Variants in RORA observed in about 807,000 individuals in gnomAD.
RORA encodes the protein nuclear receptor ROR-alpha.
RORA carries 7 observed loss-of-function variants against 69.5 expected under a neutral mutation model. That is an observed-to-expected ratio of 0.10 (90% CI 0.06 to 0.19). RORA has a LOEUF of 0.19. Ranked by LOEUF, RORA falls within the 10% of genes least tolerant of loss-of-function variation. The probability of loss-of-function intolerance (pLI) is 1.00; values close to 1 mark genes in which losing one functional copy is unlikely to be tolerated. For synonymous variants in RORA, 261 were observed against 240.8 expected, an observed-to-expected ratio of 1.08 and a Z score of -0.78; for missense variants, 457 against 663.0, an observed-to-expected ratio of 0.69 and a Z score of 3.41.
At chr15:60,849,736 C>G (rs997688381) in intron 1 of RORA, among the ~76,000 whole-genome samples, 1 of 152,124 alleles carries the variant, frequency 6.6e-6, no homozygotes, top group Admixed American at 6.5e-5. Context: ...GCTACCATTG[C>G]GATGTCTCTG....
At chr15:60,637,762 C>A (rs2069867198) in intron 2 of RORA, among the ~76,000 whole-genome samples, 1 of 152,116 alleles carries the variant, frequency 6.6e-6, no homozygotes, top group African/African-American at 2.4e-5. Context: ...CTTTACTGAT[C>A]TCTTTGCCTA....
At chr15:61,019,713 G>A (rs1255340173) in intron 1 of RORA, among the ~76,000 whole-genome samples, 1 of 152,072 alleles carries the variant, frequency 6.6e-6, no homozygotes, top group Non-Finnish European at 1.5e-5. Flanking sequence ...TTATCCATGG[G>A]TACCGTACCT....
At chr15:60,954,465 T>A in intron 1 of RORA, among the ~76,000 whole-genome samples, 1 of 150,042 alleles carries the variant, frequency 6.7e-6, no homozygotes, top group East Asian at 2.0e-4. Flanking sequence ...GAACTTCCCA[T>A]AAATGTGAGA....
intron 1 of RORA, among the ~76,000 whole-genome samples, chr15:60,766,003 T>C (rs2071983544): frequency 6.6e-6 from 1 of 152,196 alleles, no homozygotes; most frequent in African/African-American, 2.4e-5. Flanking sequence ...GGAATTCGCC[T>C]GCAGTGTCTG....
rs1253297283 is a variant in RORA, at chr15:61,194,996, G to GTTAATAATAATAATA, written c.166+34056_166+34057insTATTATTATTATTAA. 1.1e-4 allele frequency among the ~76,000 whole-genome samples: 16 copies of GTTAATAATAATAATA among 150,814 alleles called. No individual in the cohort carries two copies. The East Asian group carries it at 3.1e-3, about 29-fold the overall frequency. Reference sequence around the variant, plus strand: ...AAAAAAAAGCCCTTTAGTTGCTGTTGTTGTTAATAATAATAATATTGTTAA... The same window carrying GTTAATAATAATAATA: ...AAAAAAAAGCCCTTTAGTTGCTGTTGTTAATAATAATAATATTGTTAATAATAATAATATTGTTAA... On this transcript the variant is annotated intron_variant, in intron 1 of 10. Transcript: ENST00000335670.
At chr15:60,580,440 T>C (rs2068159114) in intron 2 of RORA, among the ~76,000 whole-genome samples, 8 of 152,214 alleles carry the variant, frequency 5.3e-5, no homozygotes, top group Admixed American at 5.2e-4. Context: ...CAATTTGAAA[T>C]GTATCCACTT....
chr15:60,724,512 G>T (rs1460136264), intron 1 of RORA, among the ~76,000 whole-genome samples: 1 of 152,148 alleles, frequency 6.6e-6, no homozygotes, highest in South Asian at 2.1e-4. Context: ...CAGGTCTCCT[G>T]ATGGGACAGA....
At chr15:61,039,467 G>C (rs1246140667) in intron 1 of RORA, among the ~76,000 whole-genome samples, 1 of 152,092 alleles carries the variant, frequency 6.6e-6, no homozygotes. Context: ...TGGTAAAACA[G>C]ATGGTTGGGA....
At chr15:60,986,335 T>C (rs573697210) in intron 1 of RORA, among the ~76,000 whole-genome samples, 5 of 152,316 alleles carry the variant, frequency 3.3e-5, no homozygotes, top group African/African-American at 1.2e-4. Context: ...AGTTTTACCA[T>C]GTTGGCCAAG....
chr15:61,229,197 G>C lies in RORA; in HGVS notation c.22C>G (p.Pro8Ala). The change falls in exon 1 of 11, where the codon CCC becomes GCC. Residue 8 changes from proline to alanine, a missense_variant. By Grantham distance (27) the Pro-to-Ala change is conservative (BLOSUM62 -1). Coordinates refer to ENST00000335670, the MANE Select transcript of RORA (RefSeq NM_134261.3). ...CCTGGCTCGCTGGCGGCGGGGTCGG[G>C]GGCTGCCGGAGCTGACTCCATGTTT... MESAPAA[P>A]DPAASEPGSS... The C allele has an allele frequency of 3.2e-6, 5 of 1,547,810 alleles. No homozygotes were observed. The highest frequency in any genetic ancestry group is 2.3e-4 in the Middle Eastern group (1 of 4,286).
chr15:60,901,399 T>C (rs898169167), intron 1 of RORA, among the ~76,000 whole-genome samples: 3 of 152,232 alleles, frequency 2.0e-5, no homozygotes, highest in African/African-American at 7.2e-5. Flanking sequence ...CTCGAACTCC[T>C]GACCTCAGGT....
chr15:60,726,274 T>C (rs1472084364), intron 1 of RORA, among the ~76,000 whole-genome samples: 1 of 152,140 alleles, frequency 6.6e-6, no homozygotes, highest in Non-Finnish European at 1.5e-5. Context: ...AAATGAAGGT[T>C]AATAAGAGGT....
At chr15:60,737,310 A>G (rs529242847) in intron 1 of RORA, among the ~76,000 whole-genome samples, 1 of 152,358 alleles carries the variant, frequency 6.6e-6, no homozygotes, top group South Asian at 2.1e-4. Context: ...AACTTCAGGC[A>G]GACAATTCCT....
At chr15:60,514,874 G>T in intron 3 of RORA, 117 bp from the exon 4 acceptor site, 1 of 730,672 alleles carries the variant, frequency 1.4e-6, no homozygotes, top group Non-Finnish European at 2.2e-6. Context: ...TAAACTTGTA[G>T]CAGAATCATC....
chr15:60,947,234 G>A (rs1192819869), intron 1 of RORA, among the ~76,000 whole-genome samples: 16 of 151,672 alleles, frequency 1.1e-4, no homozygotes, highest in South Asian at 6.3e-4. Flanking sequence ...TGACGATGGC[G>A]GTTTTGTCGA....
At chr15:60,906,456 G>A (rs1366547850) in intron 1 of RORA, among the ~76,000 whole-genome samples, 1 of 152,186 alleles carries the variant, frequency 6.6e-6, no homozygotes, top group Non-Finnish European at 1.5e-5. Context: ...TAAAGGTCGT[G>A]CCCACATCAA....
At chr15:60,593,317 A>T (rs1353351708) in intron 2 of RORA, 2 of 155,148 alleles carry the variant, frequency 1.3e-5, no homozygotes, top group African/African-American at 2.4e-5. Flanking sequence ...TCCAGTTGCC[A>T]GCTGATTTGA....
At chr15:60,693,269 T>C (rs1382890532) in intron 1 of RORA, among the ~76,000 whole-genome samples, 2 of 152,198 alleles carry the variant, frequency 1.3e-5, no homozygotes, top group African/African-American at 4.8e-5. Flanking sequence ...TTAAAAACTC[T>C]CAATTAACTA....
At chr15:61,062,315 C>T (rs2078197978) in intron 1 of RORA, among the ~76,000 whole-genome samples, 1 of 152,206 alleles carries the variant, frequency 6.6e-6, no homozygotes, top group Non-Finnish European at 1.5e-5. Context: ...AGATGCAGGT[C>T]CTGTCTTGCT....
Sources: gnomAD v4.1 joint callset for allele counts (sites outside exome capture counted in the v4.1 genomes callset) on GRCh38, gnomAD v4.1.1 for gene constraint, MANE v1.5 for transcripts, NCBI Gene and HGNC (gene_info 2026-07-23, HGNC 2026-07-21) for gene names.